Variants in EPHB2 observed in about 807,000 individuals in gnomAD.
The protein encoded by EPHB2 is EPH receptor B2.
EPHB2 carries 18 observed loss-of-function variants against 96.4 expected under a neutral mutation model. That is an observed-to-expected ratio of 0.19 (90% CI 0.13 to 0.28). The LOEUF (loss-of-function observed/expected upper bound fraction) is 0.28, where lower values mean the gene tolerates loss of function less well. Among genes scored for constraint, EPHB2 ranks in the 10% least tolerant of loss-of-function variants. The pLI is 1.00. For synonymous variants in EPHB2, 506 were observed against 534.1 expected, an observed-to-expected ratio of 0.95 and a Z score of 0.72; for missense variants, 989 against 1,355.4, an observed-to-expected ratio of 0.73 and a Z score of 4.25.
chr1:22,716,093 C>T (rs942837729), intron 1 of EPHB2, among the ~76,000 whole-genome samples: 2 of 152,218 alleles, frequency 1.3e-5, no homozygotes, highest in African/African-American at 2.4e-5. Flanking sequence ...ATGGTAACCC[C>T]CCAAGTGTGG....
intron 3 of EPHB2, among the ~76,000 whole-genome samples, chr1:22,791,926 T>A (rs979929103): frequency 6.6e-6 from 1 of 152,164 alleles, no homozygotes; most frequent in Non-Finnish European, 1.5e-5. Flanking sequence ...ATTGCCAAAT[T>A]ACCCTCCAGA....
intron 3 of EPHB2, among the ~76,000 whole-genome samples, chr1:22,808,454 CAT>C: frequency 6.6e-6 from 1 of 152,336 alleles, no homozygotes; most frequent in South Asian, 2.1e-4. Flanking sequence ...ACAGGGCAGA[CAT>C]ACCAAATTAA....
At position 22,905,410 on chromosome 1, in the gene EPHB2, G is replaced by A. The variant is rs190521905; in HGVS notation, c.1766-577G>A. Among the ~76,000 whole-genome samples, 162 of 152,178 alleles carry A rather than the reference G, an allele frequency of 1.1e-3. 1 individual carries two copies. The Middle Eastern group carries it at 0.027, about 26-fold the overall frequency. ...ACACTCAGTCCCTGGTGAGTGGGGC[G>A]GCCCCTCAAGGCTCTGGGGGCCCAT... On this transcript the variant is annotated intron_variant, in intron 9 of 15. Coordinates refer to ENST00000374630, the MANE Select transcript of EPHB2 (RefSeq NM_017449.5).
intron 1 of EPHB2, among the ~76,000 whole-genome samples, chr1:22,741,994 T>C (rs2148366913): frequency 6.6e-6 from 1 of 151,994 alleles, no homozygotes; most frequent in South Asian, 2.1e-4. Context: ...TGCACCATTT[T>C]ATTTTACTCA....
intron 3 of EPHB2, among the ~76,000 whole-genome samples, chr1:22,810,259 G>C (rs983878189): frequency 2.0e-5 from 3 of 152,222 alleles, no homozygotes; most frequent in Non-Finnish European, 2.9e-5. Context: ...GGCAGGAAGG[G>C]CCTGCTCAAC....
At chr1:22,793,236 C>G (rs961423883) in intron 3 of EPHB2, among the ~76,000 whole-genome samples, 4 of 152,210 alleles carry the variant, frequency 2.6e-5, no homozygotes, top group African/African-American at 7.2e-5. Context: ...CACTCAAATA[C>G]CACTTCCAGG....
At chr1:22,895,650 C>T (rs1639535081) in intron 8 of EPHB2, 70 bp downstream of exon 8, 2 of 1,377,860 alleles carry the variant, frequency 1.5e-6, no homozygotes, top group South Asian at 2.3e-5. Flanking sequence ...ATTCAGTCAT[C>T]CCTCTACAGT....
Position 22,720,125 on chromosome 1 carries a change from A to C in EPHB2, c.61+9082A>C, listed in dbSNP as rs998917033. On this transcript the variant is annotated intron_variant, in intron 1 of 15. Coordinates refer to ENST00000374630, the MANE Select transcript of EPHB2 (RefSeq NM_017449.5). The stretch of plus-strand genomic sequence containing the variant: ...CTTTGCTAGTCTAGACTGCGCCTCT[A>C]TCCATGGCAATTAGCTCCCAAGATG... 6.6e-5 allele frequency among the ~76,000 whole-genome samples: 10 copies of C among 152,044 alleles called. 1 individual carries two copies. Among genetic ancestry groups the C allele is most frequent in the African/African-American group, 2.2e-4 (9 of 41,384 alleles).
At chr1:22,757,908 CTTTTTTTTTTTT>C (rs1224799943) in intron 1 of EPHB2, among the ~76,000 whole-genome samples, 1 of 54,136 alleles carries the variant, frequency 1.8e-5, no homozygotes, top group Admixed American at 2.7e-4. Flanking sequence ...GTAAGCTATG[CTTTTTTTTTTTT>C]TTTTTTTTTT....
rs1638428645 is a variant in EPHB2, at chr1:22,865,127, C to T, written c.1218C>T (p.Phe406=). 4 of 1,614,116 alleles carry T rather than the reference C, an allele frequency of 2.5e-6. No homozygotes were observed. The highest frequency in any genetic ancestry group is 2.5e-6 in the Non-Finnish European group (3 of 1,180,056). The change falls in exon 5 of 16, where the codon TTC becomes TTT. Residue 406 remains phenylalanine (F), a synonymous_variant. Transcript: ENST00000374630. ...TGCTGGCCCACACCCAGTACACCTTCGAGATCCAGGCTGTGAACGGCGTTA... is the reference window on the plus strand; with the variant it reads ...TGCTGGCCCACACCCAGTACACCTTTGAGATCCAGGCTGTGAACGGCGTTA... ...SDLLAHTQYT[F]EIQAVNGVTD...
At position 22,915,225 on chromosome 1, in the gene EPHB2, T is replaced by G. The variant is rs1293591210; in HGVS notation, c.*1655T>G. ...GTCTTGGCCATGGGGACGCCCTCAG[T>G]CTAGGGATCTGGCCACAGACTCCCT... On this transcript the variant is annotated 3_prime_UTR_variant, in exon 16 of 16. Coordinates refer to ENST00000374630, the MANE Select transcript of EPHB2 (RefSeq NM_017449.5). 6.6e-6 allele frequency: 1 copy of G among 152,068 alleles called. No homozygotes were observed. The highest frequency in any genetic ancestry group is 1.9e-4 in the East Asian group (1 of 5,168). 9.4% of individuals were successfully genotyped at this position (152,068 alleles called of 1,614,324 possible).
At chr1:22,876,760 G>A (rs1469019255) in intron 5 of EPHB2, among the ~76,000 whole-genome samples, 1 of 152,214 alleles carries the variant, frequency 6.6e-6, no homozygotes, top group Non-Finnish European at 1.5e-5. Flanking sequence ...GCATCCAGCT[G>A]TTCCCTTTTC....
chr1:22,901,515 C>G (rs1469508299), intron 9 of EPHB2, among the ~76,000 whole-genome samples: 2 of 152,208 alleles, frequency 1.3e-5, no homozygotes, highest in Non-Finnish European at 2.9e-5. Context: ...AGAGCAACAG[C>G]CAGTGGCCGA....
At chr1:22,899,725 G>T (rs6426772) in intron 9 of EPHB2, among the ~76,000 whole-genome samples, 2,687 of 152,316 alleles carry the variant, frequency 0.018, 71 homozygotes, top group African/African-American at 0.061. Flanking sequence ...AGGTGCCATG[G>T]TTCATGCCTG....
At chr1:22,726,841 C>T (rs144545244) in intron 1 of EPHB2, among the ~76,000 whole-genome samples, 32 of 152,216 alleles carry the variant, frequency 2.1e-4, no homozygotes, top group South Asian at 1.9e-3. Context: ...GTGTTGAGTG[C>T]GGAGGGGAAA....
chr1:22,774,256 G>A (rs1644417743), intron 1 of EPHB2, among the ~76,000 whole-genome samples: 2 of 152,184 alleles, frequency 1.3e-5, no homozygotes, highest in African/African-American at 4.8e-5. Flanking sequence ...TCTCCCTGCA[G>A]TAAGTTCACA....
At chr1:22,900,177 C>A (rs969488379) in intron 9 of EPHB2, among the ~76,000 whole-genome samples, 1 of 151,960 alleles carries the variant, frequency 6.6e-6, no homozygotes, top group South Asian at 2.1e-4. Context: ...GCCTGTAATC[C>A]CAGCTACTCA....
At position 22,912,446 on chromosome 1, in the gene EPHB2, T is replaced by G; in HGVS notation, c.2699T>G (p.Ile900Ser). The G allele has an allele frequency of 6.2e-7, 1 of 1,613,956 alleles. No individual in the cohort carries two copies. Among genetic ancestry groups the G allele is most frequent in the Non-Finnish European group, 8.5e-7 (1 of 1,180,006 alleles). The change falls in exon 15 of 16, where the codon ATC becomes AGC. Residue 900 changes from isoleucine to serine, a missense_variant and splice_region_variant. Ile to Ser is a moderately radical substitution (Grantham distance 142, BLOSUM62 -2). Coordinates refer to ENST00000374630, the MANE Select transcript of EPHB2 (RefSeq NM_017449.5). ...LKAMAPLSSGINLPLLDRTIP... is the reference protein window; with the variant it reads ...LKAMAPLSSGSNLPLLDRTIP... ...CTGTCGCCCACCCCCAACCCCAGCA[T>G]CAACCTGCCGCTGCTGGACCGCACG...
intron 1 of EPHB2, among the ~76,000 whole-genome samples, chr1:22,755,585 C>G (rs1413072646): frequency 6.6e-6 from 1 of 152,122 alleles, no homozygotes; most frequent in Non-Finnish European, 1.5e-5. Context: ...CTAGGAGGGG[C>G]TTCTGGGGGA....
Sources: gnomAD v4.1 joint callset for allele counts (sites outside exome capture counted in the v4.1 genomes callset) on GRCh38, gnomAD v4.1.1 for gene constraint, MANE v1.5 for transcripts, NCBI Gene and HGNC (gene_info 2026-07-23, HGNC 2026-07-21) for gene names.